Variants in ERCC6 observed in about 807,000 individuals in gnomAD.
ERCC6 encodes the protein ERCC excision repair 6, chromatin remodeling factor, also known as DNA excision repair protein ERCC-6.
In ERCC6, 116 loss-of-function variants were observed where a neutral mutation model predicts 158.7. That is an observed-to-expected ratio of 0.73 (90% confidence interval 0.63 to 0.85). The LOEUF (loss-of-function observed/expected upper bound fraction) is 0.85, where lower values mean the gene tolerates loss of function less well. Among genes scored for constraint, ERCC6 ranks in the 40% least tolerant of loss-of-function variants. ERCC6 has a pLI of 0.00. For synonymous variants in ERCC6, 678 were observed against 659.3 expected (o/e 1.03, Z -0.43); for missense variants, 1,698 against 1,799.4 (o/e 0.94, Z 1.02).
At chr10:49,517,142 T>C (rs1837001099) in intron 5 of ERCC6, 1 of 1,571,142 alleles carries the variant, frequency 6.4e-7, no homozygotes, top group East Asian at 2.3e-5. Context: ...AAAAAGGTAT[T>C]ATTAGTCCTA....
Position 49,499,328 on chromosome 10 carries a change from T to C in ERCC6, c.1685+1210A>G, listed in dbSNP as rs1851317562. The stretch of plus-strand genomic sequence containing the variant: ...CTCCAAACACTCCTCACAGAAGTAT[T>C]GATCTGCTAACTTAACGAAAGAGTA... On this transcript the variant is annotated intron_variant, in intron 7 of 20. Coordinates refer to ENST00000355832, the MANE Select transcript of ERCC6 (RefSeq NM_000124.4). 2.0e-5 allele frequency among the ~76,000 whole-genome samples: 3 copies of C among 152,236 alleles called. No homozygotes were observed. The South Asian group carries it at 6.2e-4, about 31-fold the overall frequency.
intron 5 of ERCC6, among the ~76,000 whole-genome samples, chr10:49,522,829 G>A (rs1020517735): frequency 7.2e-5 from 11 of 152,164 alleles, no homozygotes; most frequent in African/African-American, 1.9e-4. Flanking sequence ...GCACAGAAAC[G>A]AAAGCTGTGC....
chr10:49,476,094 T>G (rs1017515312), intron 12 of ERCC6, 121 bp downstream of exon 12: 4 of 758,570 alleles, frequency 5.3e-6, no homozygotes, highest in Non-Finnish European at 9.3e-6. Context: ...CGGGACTTCA[T>G]GCAAGTGAAG....
chr10:49,520,921 G>A (rs752463386), intron 5 of ERCC6, among the ~76,000 whole-genome samples: 10 of 152,150 alleles, frequency 6.6e-5, no homozygotes, highest in East Asian at 1.9e-4. Context: ...GGGCAAATGC[G>A]TAACATTGTT....
At chr10:49,537,305 T>C (rs942321684) in intron 1 of ERCC6, among the ~76,000 whole-genome samples, 3 of 140,776 alleles carry the variant, frequency 2.1e-5, no homozygotes, top group Non-Finnish European at 4.5e-5. Flanking sequence ...ATCGCACCAC[T>C]GCACTCCAGC....
chr10:49,519,773 A>C (rs2132609959), intron 5 of ERCC6, among the ~76,000 whole-genome samples: 1 of 152,300 alleles, frequency 6.6e-6, no homozygotes, highest in Non-Finnish European at 1.5e-5. Flanking sequence ...AGCTCTCCTA[A>C]ATGAGAACAT....
intron 5 of ERCC6, among the ~76,000 whole-genome samples, chr10:49,519,930 G>A (rs189928289): frequency 3.4e-4 from 52 of 152,192 alleles, no homozygotes; most frequent in African/African-American, 1.2e-3. Flanking sequence ...GCTGAGCCCA[G>A]GCCCCTACCC....
chr10:49,459,736 C>G (rs778782073), intron 20 of ERCC6, among the ~76,000 whole-genome samples: 18 of 152,188 alleles, frequency 1.2e-4, no homozygotes, highest in Non-Finnish European at 2.4e-4. Flanking sequence ...AAACACAAAT[C>G]TAACTCTGAA....
At chr10:49,508,480 G>A (rs987364706) in intron 5 of ERCC6, among the ~76,000 whole-genome samples, 3 of 152,156 alleles carry the variant, frequency 2.0e-5, no homozygotes, top group African/African-American at 2.4e-5. Flanking sequence ...CTACAGAAAC[G>A]ATTGCATTCT....
chr10:49,498,134 T>C (rs915887689), intron 7 of ERCC6, among the ~76,000 whole-genome samples: 1 of 152,208 alleles, frequency 6.6e-6, no homozygotes, highest in Non-Finnish European at 1.5e-5. Flanking sequence ...GCAATATGTT[T>C]CTCTGTCTTC....
At chr10:49,499,987 A>AAG (rs1491252669) in intron 7 of ERCC6, among the ~76,000 whole-genome samples, 1 of 141,468 alleles carries the variant, frequency 7.1e-6, no homozygotes, top group African/African-American at 2.5e-5. Flanking sequence ...ATTCAAAAAC[A>AAG]AGAGAGAGAG....
rs1850755517 is a variant in ERCC6, at chr10:49,470,448, T to G, written c.3512A>C (p.Asn1171Thr). ...SQAQTEAFWE[N>T]KQMENNFYKH... is the part of the protein sequence containing the mutation. ...ATAAAAATTATTTTCCATTTGTTTA[T>G]TCTCCCAAAAAGCTTCTGTTTGAGC... Residue 1171 changes from asparagine to threonine, a missense_variant, in exon 18 of 21, where the codon AAT (asparagine) becomes ACT (threonine). By Grantham distance (65) the Asn-to-Thr change is moderately conservative (BLOSUM62 0). Transcript: ENST00000355832. 2 of 1,614,134 alleles carry G rather than the reference T, an allele frequency of 1.2e-6. No homozygotes were observed. Among genetic ancestry groups the G allele is most frequent in the South Asian group, 2.2e-5 (2 of 91,068 alleles).
intron 18 of ERCC6, among the ~76,000 whole-genome samples, chr10:49,463,692 T>A (rs1168866941): frequency 5.3e-5 from 8 of 152,180 alleles, no homozygotes; most frequent in Admixed American, 2.0e-4. Flanking sequence ...TGATTAATTA[T>A]GAAGATGCGT....
At chr10:49,466,239 G>T (rs144405680) in intron 18 of ERCC6, among the ~76,000 whole-genome samples, 46 of 152,220 alleles carry the variant, frequency 3.0e-4, no homozygotes, top group African/African-American at 1.1e-3. Flanking sequence ...AACAAATATT[G>T]AACTTTAGTT....
Position 49,472,528 on chromosome 10 carries a change from C to T in ERCC6, c.2830-58G>A, listed in dbSNP as rs56333631. 6 of 1,560,116 alleles carry T rather than the reference C, an allele frequency of 3.8e-6. No homozygotes were observed. In the East Asian group the frequency reaches 1.1e-4, roughly 29 times the overall value. ...AATCCTTCCCAATGACAAGCACTGA[C>T]TATAAGAAACAAAGCTAGCTGGTCA... On this transcript the variant is annotated intron_variant, in intron 15 of 20. Transcript: ENST00000355832.
chr10:49,528,398 C>G lies in ERCC6; in HGVS notation c.652+19G>C. On this transcript the variant is annotated intron_variant, in intron 4 of 20. Coordinates refer to ENST00000355832, the MANE Select transcript of ERCC6 (RefSeq NM_000124.4). ...GCATCAATTCAAGAACACAGAGAAACTGCTCCTAGCATCCTCACCTGCATC... is the reference window on the plus strand; with the variant it reads ...GCATCAATTCAAGAACACAGAGAAAGTGCTCCTAGCATCCTCACCTGCATC... The G allele has an allele frequency of 6.2e-7, 1 of 1,613,888 alleles. No homozygotes were observed. Among genetic ancestry groups the G allele is most frequent in the Non-Finnish European group, 8.5e-7 (1 of 1,179,780 alleles).
chr10:49,484,506 G>T (rs570001787), intron 8 of ERCC6, among the ~76,000 whole-genome samples: 3 of 152,212 alleles, frequency 2.0e-5, no homozygotes, highest in African/African-American at 7.2e-5. Flanking sequence ...TTGGGAGGCT[G>T]AGGGAGGAGA....
At chr10:49,448,269 C>G in the ERCC6 span, among the ~76,000 whole-genome samples, 1 of 152,136 alleles carries the variant, frequency 6.6e-6, no homozygotes, top group African/African-American at 2.4e-5. Context: ...ACAGTTTTGA[C>G]TTGCCTTTCC....
At chr10:49,506,956 T>TA (rs955574355) in intron 5 of ERCC6, among the ~76,000 whole-genome samples, 105 of 145,920 alleles carry the variant, frequency 7.2e-4, no homozygotes, top group Admixed American at 3.1e-3. Flanking sequence ...CAAACTACAA[T>TA]AAAAAAAAAA....
Sources: gnomAD v4.1 joint callset for allele counts (sites outside exome capture counted in the v4.1 genomes callset) on GRCh38, gnomAD v4.1.1 for gene constraint, MANE v1.5 for transcripts, NCBI Gene and HGNC (gene_info 2026-07-23, HGNC 2026-07-21) for gene names.